IQCB1: variants seen among roughly 807,000 people sequenced by gnomAD.
The protein encoded by IQCB1 is IQ calmodulin-binding motif-containing protein 1.
In IQCB1, 56 loss-of-function variants were observed where a neutral mutation model predicts 84.4. The ratio of observed to expected loss-of-function variants is 0.66; its 90% confidence interval spans 0.54 to 0.83. The LOEUF (loss-of-function observed/expected upper bound fraction) is 0.83, where lower values mean the gene tolerates loss of function less well. Among genes scored for constraint, IQCB1 ranks in the 40% least tolerant of loss-of-function variants. The probability of loss-of-function intolerance (pLI) is 0.00; values close to 1 mark genes in which losing one functional copy is unlikely to be tolerated. For synonymous variants in IQCB1, 210 were observed against 234.8 expected (o/e 0.89, Z 0.96); for missense variants, 629 against 682.1 (o/e 0.92, Z 0.87).
intron 2 of IQCB1, 45 bp downstream of exon 2, chr3:121,834,346 A>T (rs555454623): frequency 6.6e-6 from 1 of 152,284 alleles, no homozygotes; most frequent in Admixed American, 6.5e-5. Flanking sequence ...AATTCATGAA[A>T]TTTGACACAA....
intron 13 of IQCB1, among the ~76,000 whole-genome samples, chr3:121,774,572 A>T (rs1369798153): frequency 6.6e-6 from 1 of 152,232 alleles, no homozygotes; most frequent in Admixed American, 6.5e-5. Context: ...ATATAATGGA[A>T]TATTATTCAG....
At chr3:121,815,237 A>G (rs1950005467) in intron 5 of IQCB1, among the ~76,000 whole-genome samples, 1 of 152,214 alleles carries the variant, frequency 6.6e-6, no homozygotes, top group Admixed American at 6.5e-5. Flanking sequence ...CTCTCAATGA[A>G]CTAGGTATCG....
chr3:121,826,209 T>C (rs1380947470), intron 4 of IQCB1, 29 bp from the exon 5 acceptor site: 1 of 1,611,684 alleles, frequency 6.2e-7, no homozygotes, highest in Admixed American at 1.7e-5. Flanking sequence ...TTCGTGTTAA[T>C]TAGAAGTTTA....
chr3:121,833,327 G>T (rs546591733), intron 2 of IQCB1, among the ~76,000 whole-genome samples: 2 of 152,190 alleles, frequency 1.3e-5, no homozygotes, highest in Non-Finnish European at 2.9e-5. Flanking sequence ...GCTAAATACA[G>T]GTTGAAAGTA....
intron 7 of IQCB1, among the ~76,000 whole-genome samples, chr3:121,801,596 CAACA>C (rs1205263115): frequency 1.3e-5 from 2 of 151,950 alleles, no homozygotes; most frequent in Non-Finnish European, 2.9e-5. Flanking sequence ...AATTGATATA[CAACA>C]AACTGCATAT....
intron 11 of IQCB1, 71 bp downstream of exon 11, chr3:121,790,002 G>T: frequency 7.6e-7 from 1 of 1,318,438 alleles, no homozygotes. Flanking sequence ...TCATCACGTA[G>T]CTAGAAAAGT....
intron 12 of IQCB1, 75 bp downstream of exon 12, chr3:121,788,209 G>A (rs1948812893): frequency 1.4e-6 from 2 of 1,399,738 alleles, no homozygotes; most frequent in Admixed American, 3.3e-5. Flanking sequence ...TTTACAACAG[G>A]TAATTAGCAA....
intron 2 of IQCB1, among the ~76,000 whole-genome samples, chr3:121,830,315 C>G (rs1293280505): frequency 1.3e-5 from 2 of 151,740 alleles, no homozygotes; most frequent in East Asian, 1.9e-4. Context: ...AAAACTTTCT[C>G]TATGTAAAAA....
At chr3:121,784,147 T>G (rs1948616506) in intron 12 of IQCB1, among the ~76,000 whole-genome samples, 2 of 152,142 alleles carry the variant, frequency 1.3e-5, no homozygotes, top group South Asian at 4.1e-4. Context: ...TTTCAAATGT[T>G]TGGCTGTTTG....
At chr3:121,812,378 C>T (rs1016074467) in intron 5 of IQCB1, among the ~76,000 whole-genome samples, 2 of 152,156 alleles carry the variant, frequency 1.3e-5, no homozygotes, top group Non-Finnish European at 2.9e-5. Context: ...ACCAAATGAT[C>T]GCGATTCCTC....
chr3:121,799,126 G>C lies in IQCB1; in HGVS notation c.766+70C>G, dbSNP rs1949308837. On this transcript the variant is annotated intron_variant, in intron 8 of 14. Transcript: ENST00000310864. ...CAACTCTTTAAAATATAAGAATTTT[G>C]TTTTTCATAAACCATCAATAAAAAT... 9.5e-6 allele frequency: 11 copies of C among 1,159,788 alleles called. No individual in the cohort carries two copies. The South Asian group carries it at 1.3e-4, about 14-fold the overall frequency. 71.8% of individuals were successfully genotyped at this position (1,159,788 alleles called of 1,614,324 possible).
intron 12 of IQCB1, among the ~76,000 whole-genome samples, chr3:121,784,847 A>G (rs536827594): frequency 2.0e-5 from 3 of 152,076 alleles, no homozygotes; most frequent in South Asian, 4.2e-4. Context: ...AAGCCCAGCT[A>G]ATTTTTTATA....
At chr3:121,832,723 A>G (rs12695416) in intron 2 of IQCB1, among the ~76,000 whole-genome samples, 99,515 of 152,116 alleles carry the variant, frequency 0.65, 33,178 homozygotes, top group African/African-American at 0.75. Context: ...AACCCAAGAG[A>G]TAAAAAACAT....
chr3:121,783,694 T>C (rs1284952671), intron 12 of IQCB1, among the ~76,000 whole-genome samples: 1 of 152,202 alleles, frequency 6.6e-6, no homozygotes, highest in Non-Finnish European at 1.5e-5. Context: ...GTAATTTGGA[T>C]TGACTGCTCT....
chr3:121,782,016 A>G, intron 12 of IQCB1, 142 bp from the exon 13 acceptor site: 1 of 804,118 alleles, frequency 1.2e-6, no homozygotes, highest in African/African-American at 1.7e-5. Context: ...GACTGTGACA[A>G]AATGCAGGAG....
At chr3:121,830,827 C>T (rs1950611795) in intron 2 of IQCB1, among the ~76,000 whole-genome samples, 1 of 152,192 alleles carries the variant, frequency 6.6e-6, no homozygotes, top group African/African-American at 2.4e-5. Context: ...GTCATAAGAC[C>T]CCTGTTTCAG....
intron 10 of IQCB1, 151 bp from the exon 11 acceptor site, chr3:121,790,366 G>C: frequency 1.6e-6 from 1 of 616,544 alleles, no homozygotes; most frequent in East Asian, 2.8e-5. Context: ...GTCATCTGCT[G>C]CTGTTGTGCA....
chr3:121,815,640 G>A (rs1163979958), intron 5 of IQCB1, among the ~76,000 whole-genome samples: 1 of 152,044 alleles, frequency 6.6e-6, no homozygotes, highest in African/African-American at 2.4e-5. Context: ...CAAATCATAA[G>A]TGAATTCCCA....
rs1423085388 is a variant in IQCB1, at chr3:121,823,092, G to A, written c.393+2959C>T. On this transcript the variant is annotated intron_variant, in intron 5 of 14. Coordinates refer to ENST00000310864, the MANE Select transcript of IQCB1 (RefSeq NM_001023570.4). ...AAAATCATAGAACAATACAATATAT[G>A]AAATGAAAAATTCACTAGGTAGGAT... 2.6e-5 allele frequency among the ~76,000 whole-genome samples: 4 copies of A among 152,062 alleles called. No individual in the cohort carries two copies. In the East Asian group the frequency reaches 7.7e-4, roughly 29 times the overall value.
Sources: allele counts gnomAD v4.1 joint callset (sites outside exome capture counted in the v4.1 genomes callset), GRCh38; gene constraint gnomAD v4.1.1; transcripts MANE v1.5; gene names NCBI Gene and HGNC (gene_info 2026-07-23, HGNC 2026-07-21).